Variants in TMEM132B observed in about 807,000 individuals in gnomAD.
TMEM132B encodes the protein transmembrane protein 132B.
TMEM132B carries 18 observed loss-of-function variants against 90.8 expected under a neutral mutation model. The observed-to-expected ratio is 0.20, with a 90% CI of 0.14 to 0.29. The LOEUF (loss-of-function observed/expected upper bound fraction) is 0.29, where lower values mean the gene tolerates loss of function less well. Among genes scored for constraint, TMEM132B ranks in the 10% least tolerant of loss-of-function variants. TMEM132B has a pLI of 1.00. For missense variants in TMEM132B, 1,096 were observed against 1,326.8 expected, an observed-to-expected ratio of 0.83 and a Z score of 2.70; for synonymous variants, 504 against 523.3, an observed-to-expected ratio of 0.96 and a Z score of 0.50.
intron 2 of TMEM132B, among the ~76,000 whole-genome samples, chr12:125,353,827 A>G (rs910969543): frequency 2.0e-5 from 3 of 152,232 alleles, no homozygotes; most frequent in African/African-American, 7.2e-5. Flanking sequence ...GGATGAGACT[A>G]GAAGAGGACT....
At chr12:125,238,696 G>A (rs1345585576) in intron 1 of TMEM132B, among the ~76,000 whole-genome samples, 1 of 152,148 alleles carries the variant, frequency 6.6e-6, no homozygotes, top group East Asian at 1.9e-4. Flanking sequence ...CAGGTGGGGC[G>A]GTCAGCACCG....
At position 125,250,100 on chromosome 12, in the gene TMEM132B, G is replaced by C. The variant is rs528966934; in HGVS notation, c.67+63234G>C. Among the ~76,000 whole-genome samples the C allele has an allele frequency of 3.3e-5, 5 of 152,364 alleles. No homozygotes were observed. In the East Asian group the frequency reaches 9.6e-4, roughly 29 times the overall value. On this transcript the variant is annotated intron_variant, in intron 1 of 8. Transcript: ENST00000682704. ...GTTGGCTCTGCGTCACCCTGGGCAC[G>C]GGCAGGTCAGCTGACAGCTAAGGCC...
intron 4 of TMEM132B, among the ~76,000 whole-genome samples, chr12:125,580,539 C>A (rs78884724): frequency 6.6e-6 from 1 of 152,138 alleles, no homozygotes; most frequent in Non-Finnish European, 1.5e-5. Flanking sequence ...TTTTTACTGT[C>A]AATGTAGGCT....
At chr12:125,369,947 T>C (rs1878246113) in intron 2 of TMEM132B, among the ~76,000 whole-genome samples, 1 of 151,766 alleles carries the variant, frequency 6.6e-6, no homozygotes, top group Admixed American at 6.6e-5. Context: ...TACTCGGGAG[T>C]CTGAGGTAGG....
At chr12:125,348,393 C>A (rs7302061) in intron 1 of TMEM132B, among the ~76,000 whole-genome samples, 49,419 of 152,006 alleles carry the variant, frequency 0.33, 9,487 homozygotes, top group East Asian at 0.4. Flanking sequence ...GTGGTGCAAT[C>A]CCAGCTCACT....
chr12:125,606,798 G>T (rs1032228876), intron 5 of TMEM132B, among the ~76,000 whole-genome samples: 1 of 152,230 alleles, frequency 6.6e-6, no homozygotes, highest in Admixed American at 6.5e-5. Flanking sequence ...ACTGAACTTA[G>T]AGCGGCAGGT....
intron 1 of TMEM132B, among the ~76,000 whole-genome samples, chr12:125,285,640 A>G (rs1384495387): frequency 6.6e-6 from 1 of 152,222 alleles, no homozygotes; most frequent in Non-Finnish European, 1.5e-5. Flanking sequence ...ACCTGGGCAC[A>G]GGTGGTTCCC....
intron 5 of TMEM132B, chr12:125,586,038 G>A (rs1443670134): frequency 1.3e-5 from 2 of 152,206 alleles, no homozygotes; most frequent in African/African-American, 4.8e-5. Context: ...GTTGAATGGA[G>A]TTGTCCACAG....
chr12:125,481,595 A>G (rs1331467343), intron 3 of TMEM132B, among the ~76,000 whole-genome samples: 2 of 152,212 alleles, frequency 1.3e-5, no homozygotes, highest in Non-Finnish European at 2.9e-5. Flanking sequence ...GCTCAACGAA[A>G]TAAAAGAGGA....
intron 3 of TMEM132B, among the ~76,000 whole-genome samples, chr12:125,447,605 CT>C (rs1555250035): frequency 6.6e-6 from 1 of 151,936 alleles, no homozygotes; most frequent in Non-Finnish European, 1.5e-5. Context: ...TCTTTTTTGC[CT>C]CTTTCTTTCT....
At chr12:125,527,737 C>T (rs1223766858) in intron 4 of TMEM132B, among the ~76,000 whole-genome samples, 9 of 151,722 alleles carry the variant, frequency 5.9e-5, no homozygotes, top group African/African-American at 2.2e-4. Context: ...TCCACCCATT[C>T]ACCCTTCCAT....
At chr12:125,440,747 GT>G (rs1210318475) in intron 3 of TMEM132B, among the ~76,000 whole-genome samples, 4 of 152,102 alleles carry the variant, frequency 2.6e-5, no homozygotes, top group Non-Finnish European at 4.4e-5. Context: ...TTTGCTAAGT[GT>G]TTTTTTCTTT....
At chr12:125,321,548 G>A (rs1481595673) in intron 1 of TMEM132B, among the ~76,000 whole-genome samples, 1 of 150,752 alleles carries the variant, frequency 6.6e-6, no homozygotes, top group Non-Finnish European at 1.5e-5. Flanking sequence ...AGCAATCTCG[G>A]CTCACTGCAA....
At chr12:125,324,956 C>T (rs1034061187) in intron 1 of TMEM132B, among the ~76,000 whole-genome samples, 3 of 152,134 alleles carry the variant, frequency 2.0e-5, no homozygotes, top group African/African-American at 7.2e-5. Context: ...AACAAAACTC[C>T]TTTGGGCCAG....
At chr12:125,323,002 T>C (rs1222640400) in intron 1 of TMEM132B, among the ~76,000 whole-genome samples, 2 of 152,182 alleles carry the variant, frequency 1.3e-5, no homozygotes, top group Admixed American at 1.3e-4. Context: ...ACACAATTTG[T>C]CTGGAGAACC....
chr12:125,525,479 G>A (rs983012613), intron 4 of TMEM132B, among the ~76,000 whole-genome samples: 2 of 152,196 alleles, frequency 1.3e-5, no homozygotes, highest in African/African-American at 2.4e-5. Context: ...ATGGTGTTTC[G>A]TCCTCCCTGG....
At chr12:125,488,941 T>G (rs1299853714) in intron 3 of TMEM132B, among the ~76,000 whole-genome samples, 1 of 152,246 alleles carries the variant, frequency 6.6e-6, no homozygotes, top group Admixed American at 6.5e-5. Flanking sequence ...TAGATGAAAT[T>G]CTAGCCTATT....
chr12:125,268,645 G>A (rs1467748595), intron 1 of TMEM132B, among the ~76,000 whole-genome samples: 3 of 152,206 alleles, frequency 2.0e-5, no homozygotes, highest in African/African-American at 4.8e-5. Context: ...ATATACACAC[G>A]ATATTTTTGC....
At chr12:125,304,157 G>T (rs1835844861) in intron 1 of TMEM132B, among the ~76,000 whole-genome samples, 1 of 152,228 alleles carries the variant, frequency 6.6e-6, no homozygotes, top group South Asian at 2.1e-4. Context: ...GCTCCTATGA[G>T]AATCTAATGC....
Sources: allele counts gnomAD v4.1 joint callset (sites outside exome capture counted in the v4.1 genomes callset), GRCh38; gene constraint gnomAD v4.1.1; transcripts MANE v1.5; gene names NCBI Gene and HGNC (gene_info 2026-07-23, HGNC 2026-07-21).